EIF4EBP1: variants seen among roughly 807,000 people sequenced by gnomAD.
EIF4EBP1 encodes the protein eukaryotic translation initiation factor 4E-binding protein 1.
Under a neutral mutation model 9.2 loss-of-function variants are expected in EIF4EBP1, and 5 were observed. That is an observed-to-expected ratio of 0.54 (90% CI 0.28 to 1.14). The LOEUF (loss-of-function observed/expected upper bound fraction) is 1.14, where lower values mean the gene tolerates loss of function less well. EIF4EBP1 is among the 50% of genes most tolerant of loss of function. EIF4EBP1 has a pLI of 0.09. For missense variants in EIF4EBP1, 139 were observed against 169.6 expected (o/e 0.82, Z 1.00); for synonymous variants, 62 against 67.0 (o/e 0.93, Z 0.36).
intron 1 of EIF4EBP1, among the ~76,000 whole-genome samples, chr8:38,044,046 T>A (rs1344724227): frequency 2.0e-5 from 3 of 152,096 alleles, no homozygotes; most frequent in African/African-American, 7.2e-5. Flanking sequence ...GTTCAGATTG[T>A]CCAGGGTGTT....
chr8:38,038,500 T>C (rs747857137), intron 1 of EIF4EBP1, among the ~76,000 whole-genome samples: 92 of 59,576 alleles, frequency 1.5e-3, no homozygotes, highest in Non-Finnish European at 2.5e-3. Context: ...AGAGCAAGAC[T>C]CCATCTCAAA....
At chr8:38,052,169 A>G (rs1042526168) in intron 1 of EIF4EBP1, among the ~76,000 whole-genome samples, 1 of 150,626 alleles carries the variant, frequency 6.6e-6, no homozygotes, top group African/African-American at 2.5e-5. Context: ...CATCCCACCC[A>G]CTCGTGTTTC....
At chr8:38,048,103 C>G (rs1201567851) in intron 1 of EIF4EBP1, among the ~76,000 whole-genome samples, 4 of 151,850 alleles carry the variant, frequency 2.6e-5, no homozygotes, top group African/African-American at 9.7e-5. Context: ...CCTGTCTCTA[C>G]AAAAAAGTAT....
At chr8:38,052,403 AG>A (rs1809537747) in intron 1 of EIF4EBP1, among the ~76,000 whole-genome samples, 1 of 142,748 alleles carries the variant, frequency 7.0e-6, no homozygotes, top group South Asian at 2.1e-4. Flanking sequence ...TAGGACTCCA[AG>A]CGCATGCCAC....
intron 1 of EIF4EBP1, among the ~76,000 whole-genome samples, chr8:38,047,168 G>A (rs1348019133): frequency 6.6e-6 from 1 of 152,202 alleles, no homozygotes; most frequent in Non-Finnish European, 1.5e-5. Context: ...TCTTACGCCT[G>A]TCTGTGGACT....
chr8:38,032,000 C>G (rs2130375900), intron 1 of EIF4EBP1, among the ~76,000 whole-genome samples: 1 of 152,334 alleles, frequency 6.6e-6, no homozygotes, highest in Middle Eastern at 3.4e-3. Context: ...CTTTCCCTTG[C>G]TGGGTCTTTT....
At chr8:38,058,802 G>A (rs1809630862) in intron 2 of EIF4EBP1, among the ~76,000 whole-genome samples, 2 of 152,352 alleles carry the variant, frequency 1.3e-5, no homozygotes, top group Admixed American at 6.5e-5. Flanking sequence ...ATCAGCTGGT[G>A]GCCAGGCACA....
rs1225729715 is a variant in EIF4EBP1, at chr8:38,038,914, CTTTT to C, written c.145+8209_145+8212del. 2.2e-5 allele frequency among the ~76,000 whole-genome samples: 3 copies of C among 138,290 alleles called. No homozygotes were observed. The Admixed American group carries it at 2.2e-4, about 10-fold the overall frequency. The allele number at this position is 138,290 out of a possible 152,430, so 90.7% of individuals were successfully genotyped here. A position where few individuals can be genotyped will look rare whatever the true frequency, so the allele number is the denominator to read the frequency against. On this transcript the variant is annotated intron_variant, in intron 1 of 2. Coordinates refer to ENST00000338825, the MANE Select transcript of EIF4EBP1 (RefSeq NM_004095.4). ...CCTTAAAACATTATGAAATTTCTTT[CTTTT>C]TTTTTTTTTTTTAAGCTCAGCTGGA...
At chr8:38,050,683 G>A (rs1053918881) in intron 1 of EIF4EBP1, among the ~76,000 whole-genome samples, 4 of 151,936 alleles carry the variant, frequency 2.6e-5, no homozygotes, top group Non-Finnish European at 5.9e-5. Flanking sequence ...CATGATTATA[G>A]CTCACTGCAG....
At chr8:38,055,149 ATC>A (rs1408205285) in intron 1 of EIF4EBP1, among the ~76,000 whole-genome samples, 5 of 152,112 alleles carry the variant, frequency 3.3e-5, no homozygotes, top group Admixed American at 6.6e-5. Context: ...ATCTTTAGGT[ATC>A]TCTCTGCATT....
intron 1 of EIF4EBP1, among the ~76,000 whole-genome samples, chr8:38,044,883 G>C (rs1038105960): frequency 3.9e-5 from 6 of 152,178 alleles, no homozygotes; most frequent in Admixed American, 6.6e-5. Context: ...GGGGGAATAA[G>C]ACCTAGCACG....
intron 1 of EIF4EBP1, among the ~76,000 whole-genome samples, chr8:38,043,150 A>G (rs542890635): frequency 6.6e-6 from 1 of 152,304 alleles, no homozygotes; most frequent in South Asian, 2.1e-4. Flanking sequence ...CAACTGGGAC[A>G]GCAATCACTA....
In EIF4EBP1 at chr8:38,032,771, C is replaced by G. The variant is rs76286150; in HGVS notation, c.145+2053C>G. Reference sequence around the variant, plus strand: ...GCAGGTACAGCTCACAGTCCCTAAGCCAGGGAAACCTGGCTGACTTCCACT... The same window carrying G: ...GCAGGTACAGCTCACAGTCCCTAAGGCAGGGAAACCTGGCTGACTTCCACT... On this transcript the variant is annotated intron_variant, in intron 1 of 2. Coordinates refer to ENST00000338825, the MANE Select transcript of EIF4EBP1 (RefSeq NM_004095.4). Among the ~76,000 whole-genome samples the G allele has an allele frequency of 3.3e-3, 510 of 152,324 alleles. 1 individual carries two copies. The highest frequency in any genetic ancestry group is 5.1e-3 in the Non-Finnish European group (350 of 68,028).
chr8:38,055,502 C>T (rs566578703), intron 1 of EIF4EBP1, among the ~76,000 whole-genome samples: 2 of 152,008 alleles, frequency 1.3e-5, no homozygotes, highest in Admixed American at 6.6e-5. Flanking sequence ...TTTATCTGCA[C>T]AATTATTACC....
intron 1 of EIF4EBP1, among the ~76,000 whole-genome samples, chr8:38,033,574 G>C (rs1411407034): frequency 2.0e-5 from 3 of 151,690 alleles, no homozygotes; most frequent in Non-Finnish European, 4.4e-5. Context: ...CTGCATGGCT[G>C]TCTGCACCTG....
intron 1 of EIF4EBP1, among the ~76,000 whole-genome samples, chr8:38,036,438 T>G (rs1300189755): frequency 1.3e-5 from 2 of 152,088 alleles, no homozygotes; most frequent in Non-Finnish European, 2.9e-5. Flanking sequence ...ACTCGAACGA[T>G]TCTGGGTGAC....
intron 1 of EIF4EBP1, among the ~76,000 whole-genome samples, chr8:38,056,663 CTT>C (rs575250125): frequency 2.5e-4 from 33 of 130,662 alleles, no homozygotes; most frequent in Non-Finnish European, 3.0e-4. Flanking sequence ...ACTACTCTGG[CTT>C]TTTTTTTTTT....
At chr8:38,054,820 C>G (rs1809574253) in intron 1 of EIF4EBP1, among the ~76,000 whole-genome samples, 1 of 152,222 alleles carries the variant, frequency 6.6e-6, no homozygotes. Context: ...CATTTGTAAT[C>G]TGGGCTCATA....
chr8:38,057,419 G>C (rs576071429), intron 2 of EIF4EBP1, among the ~76,000 whole-genome samples, 159 bp downstream of exon 2: 1 of 152,300 alleles, frequency 6.6e-6, no homozygotes, highest in South Asian at 2.1e-4. Context: ...GAGTAGGGGT[G>C]GGGAGGTTGA....
Sources: allele counts gnomAD v4.1 joint callset (sites outside exome capture counted in the v4.1 genomes callset), GRCh38; gene constraint gnomAD v4.1.1; transcripts MANE v1.5; gene names NCBI Gene and HGNC (gene_info 2026-07-23, HGNC 2026-07-21).